Variants in WDR1 observed in about 807,000 individuals in gnomAD.
WDR1 encodes WD repeat domain 1.
Under a neutral mutation model 71.9 loss-of-function variants are expected in WDR1, and 21 were observed. That is an observed-to-expected ratio of 0.29 (90% CI 0.21 to 0.42). The LOEUF (loss-of-function observed/expected upper bound fraction) is 0.42. Ranked by LOEUF, WDR1 falls within the 10% of genes least tolerant of loss-of-function variation. The pLI is 1.00. For missense variants in WDR1, 696 were observed against 824.5 expected, an observed-to-expected ratio of 0.84 and a Z score of 1.91; for synonymous variants, 424 against 347.4, an observed-to-expected ratio of 1.22 and a Z score of -2.45.
At chr4:10,076,383 C>T (rs1764799383) in intron 14 of WDR1, 1 of 152,362 alleles carries the variant, frequency 6.6e-6, no homozygotes. Context: ...GAACCCGATG[C>T]TGAGGTCACT....
chr4:10,104,437 A>T (rs374175025), intron 2 of WDR1, among the ~76,000 whole-genome samples: 3 of 152,184 alleles, frequency 2.0e-5, no homozygotes, highest in African/African-American at 7.2e-5. Context: ...CCCCAAACTC[A>T]GCGCCTGGCT....
At chr4:10,111,302 C>T (rs1049035980) in intron 2 of WDR1, among the ~76,000 whole-genome samples, 1 of 152,172 alleles carries the variant, frequency 6.6e-6, no homozygotes, top group Non-Finnish European at 1.5e-5. Context: ...CATAAGCACC[C>T]GGCCCTTCGG....
In WDR1 at chr4:10,104,323, C is replaced by T. The variant is rs1356888431; in HGVS notation, c.139-337G>A. 2.0e-5 allele frequency among the ~76,000 whole-genome samples: 3 copies of T among 152,158 alleles called. No homozygotes were observed. The East Asian group carries it at 5.8e-4, about 29-fold the overall frequency. ...ACAAAAGGTGGATTAGAGCAAGAAG[C>T]CCTGGTTCTAATCCCTCCCATTTGT... is the stretch of plus-strand genomic sequence containing the variant. On this transcript the variant is annotated intron_variant, in intron 2 of 14. Coordinates refer to ENST00000499869, the MANE Select transcript of WDR1 (RefSeq NM_017491.5).
In WDR1 at chr4:10,103,782, A is replaced by AC; in HGVS notation, c.229+113dup. On this transcript the variant is annotated intron_variant, in intron 3 of 14. Transcript: ENST00000499869. ...CTCACCACCCCCAGCCTGCTCCCCC[A>AC]CCCCCCACCTCCCTCCTCCCACTCT... 18 of 72,402 alleles carry AC rather than the reference A, an allele frequency of 2.5e-4. 3 individuals carry two copies. Among genetic ancestry groups the AC allele is most frequent in the Admixed American group, 4.8e-4 (3 of 6,196 alleles). The allele number at this position is 72,402 out of a possible 1,614,324, so 4.5% of individuals were successfully genotyped here. A position where few individuals can be genotyped will look rare whatever the true frequency, so the allele number is the denominator to read the frequency against.
rs182491508 is a variant in WDR1, at chr4:10,085,969, C to T, written c.952-1439G>A. Among the ~76,000 whole-genome samples the T allele has an allele frequency of 2.1e-3, 322 of 152,272 alleles. 1 individual carries two copies. The highest frequency in any genetic ancestry group is 3.3e-3 in the Non-Finnish European group (227 of 68,028). ...CTTTTTTGGGACATAAGTTTAGCCA[C>T]GGTGGCAGGCCGGGTGCACTGGCCC... On this transcript the variant is annotated intron_variant, in intron 8 of 14. Transcript: ENST00000499869.
rs1339323993 is a variant in WDR1, at chr4:10,077,868, A to G, written c.1454T>C (p.Leu485Pro). The part of the protein sequence containing the change: ...LGTTLKDEGK[L>P]LEAKGPVTDV... ...GGTCACGGGGCCCTTGGCCTCTAGG[A>G]GCTTGCCCTCATCCTTCAGCGTGGT... The change falls in exon 13 of 15, where the codon CTC becomes CCC. Residue 485 changes from leucine (L) to proline (P), a missense_variant. Leu to Pro is a moderately conservative substitution (Grantham distance 98, BLOSUM62 -3). Transcript: ENST00000499869. The G allele has an allele frequency of 3.7e-6, 6 of 1,611,402 alleles. No homozygotes were observed. Among genetic ancestry groups the G allele is most frequent in the Admixed American group, 1.7e-5 (1 of 59,730 alleles).
chr4:10,081,663 T>G (rs866221022), intron 10 of WDR1, among the ~76,000 whole-genome samples: 23 of 73,202 alleles, frequency 3.1e-4, no homozygotes, highest in African/African-American at 5.9e-4. Context: ...CGGGGAGGGG[T>G]GGGGGGGGGG....
chr4:10,114,427 A>C (rs1713581197), intron 2 of WDR1, among the ~76,000 whole-genome samples: 1 of 152,206 alleles, frequency 6.6e-6, no homozygotes, highest in Non-Finnish European at 1.5e-5. Flanking sequence ...CTTTAGAGTA[A>C]CGGACCCATG....
intron 1 of WDR1, 47 bp from the exon 2 acceptor site, chr4:10,116,281 C>T (rs1399312739): frequency 6.2e-7 from 1 of 1,610,606 alleles, no homozygotes. Context: ...AGGGCGGGGA[C>T]GGCGGGGACA....
intron 2 of WDR1, 96 bp downstream of exon 2, chr4:10,116,017 C>T: frequency 2.0e-6 from 3 of 1,501,178 alleles, no homozygotes; most frequent in Non-Finnish European, 2.7e-6. Flanking sequence ...CCTCCCCGGG[C>T]CAATGGGCAG....
In WDR1 at chr4:10,098,111, C is replaced by G. The variant is rs144226101; in HGVS notation, c.378-220G>C. 5.8e-3 allele frequency among the ~76,000 whole-genome samples: 879 copies of G among 152,110 alleles called. 6 individuals carry two copies. Among genetic ancestry groups the G allele is most frequent in the South Asian group, 0.011 (54 of 4,820 alleles). On this transcript the variant is annotated intron_variant, in intron 4 of 14. Transcript: ENST00000499869. ...CCAAGAACAAGATGGGGCAAGCCGG[C>G]GCCTTCGGGAAGGGGATGCATGTGT...
chr4:10,097,739 G>A lies in WDR1; in HGVS notation c.530C>T (p.Pro177Leu), dbSNP rs1350543760. The A allele has an allele frequency of 6.2e-7, 1 of 1,609,788 alleles. No individual in the cohort carries two copies. Among genetic ancestry groups the A allele is most frequent in the Non-Finnish European group, 8.5e-7 (1 of 1,177,902 alleles). Residue 177 changes from proline (P) to leucine (L), a missense_variant, in exon 5 of 15, where the codon CCC becomes CTC. Transcript: ENST00000499869. ...DDNCAAFFEG[P>L]PFKFKFTIGD... ...AATTGTGAACTTGAACTTGAATGGG[G>A]GTCCCTCAAAGAATGCCGCGCAGTT...
At chr4:10,113,631 G>C (rs1356491417) in intron 2 of WDR1, among the ~76,000 whole-genome samples, 6 of 152,368 alleles carry the variant, frequency 3.9e-5, no homozygotes, top group East Asian at 3.9e-4. Context: ...AAAGCAAGGA[G>C]ACCTGTTTGG....
intron 5 of WDR1, chr4:10,093,231 C>G: frequency 9.1e-7 from 1 of 1,094,910 alleles, no homozygotes; most frequent in South Asian, 1.3e-5. Context: ...TCAGCTGACC[C>G]TGTACACAAG....
intron 2 of WDR1, chr4:10,115,707 A>G (rs1713672623): frequency 6.4e-6 from 1 of 156,196 alleles, no homozygotes; most frequent in African/African-American, 2.4e-5. Context: ...CCAAATCGCC[A>G]ATCTTCTCAA....
chr4:10,082,531 G>A (rs1273666333), intron 10 of WDR1, among the ~76,000 whole-genome samples: 1 of 152,164 alleles, frequency 6.6e-6, no homozygotes, highest in Non-Finnish European at 1.5e-5. Flanking sequence ...TCCACTGACT[G>A]CCAATCAAAG....
Position 10,075,452 on chromosome 4 carries a change from C to A in WDR1, c.1747G>T (p.Ala583Ser). 6.2e-7 allele frequency: 1 copy of A among 1,613,970 alleles called. No homozygotes were observed. Among genetic ancestry groups the A allele is most frequent in the Non-Finnish European group, 8.5e-7 (1 of 1,179,884 alleles). ...AHRLHHVSSL[A>S]WLDEHTLVTT... is the part of the protein sequence containing the mutation. ...ACCAGCGTGTGCTCGTCCAGCCAGG[C>A]CAGGCTGCTGACATGGTGCAGCCGG... The change falls in exon 15 of 15, where the codon GCC becomes TCC. Residue 583 changes from alanine (A) to serine (S), a missense_variant. Transcript: ENST00000499869.
At chr4:10,102,826 C>G (rs1712759634) in intron 3 of WDR1, among the ~76,000 whole-genome samples, 1 of 152,180 alleles carries the variant, frequency 6.6e-6, no homozygotes, top group African/African-American at 2.4e-5. Flanking sequence ...GCAATTTGGT[C>G]ATAGCTGTCA....
intron 10 of WDR1, among the ~76,000 whole-genome samples, chr4:10,082,708 T>G (rs1256760688): frequency 2.6e-5 from 4 of 152,126 alleles, no homozygotes; most frequent in Admixed American, 2.6e-4. Context: ...CCGCCTTTAC[T>G]GATGAGGAAA....
Sources: allele counts gnomAD v4.1 joint callset (sites outside exome capture counted in the v4.1 genomes callset), GRCh38; gene constraint gnomAD v4.1.1; transcripts MANE v1.5; gene names NCBI Gene and HGNC (gene_info 2026-07-23, HGNC 2026-07-21).